Variants in MARCHF1 observed in about 807,000 individuals in gnomAD.
MARCHF1 encodes E3 ubiquitin-protein ligase MARCHF1.
MARCHF1 carries 40 observed loss-of-function variants against 54.2 expected under a neutral mutation model. The ratio of observed to expected loss-of-function variants is 0.74; its 90% CI spans 0.57 to 0.96. The LOEUF (loss-of-function observed/expected upper bound fraction) is 0.96, where lower values mean the gene tolerates loss of function less well. Among genes scored for constraint, MARCHF1 ranks in the 40% least tolerant of loss-of-function variants. The probability of loss-of-function intolerance (pLI) is 0.00; values close to 1 mark genes in which losing one functional copy is unlikely to be tolerated. For synonymous variants in MARCHF1, 236 were observed against 236.3 expected (o/e 1.00, Z 0.01); for missense variants, 586 against 656.5 (o/e 0.89, Z 1.17).
intron 1 of MARCHF1, chr4:164,197,359 T>C (rs756128994): frequency 3.1e-5 from 50 of 1,612,804 alleles, no homozygotes; most frequent in Admixed American, 2.0e-4. Flanking sequence ...TACCTCGCAA[T>C]TGAAAAGGTC....
intron 3 of MARCHF1, chr4:163,932,460 T>A (rs556187903): frequency 5.2e-6 from 2 of 384,418 alleles, no homozygotes; most frequent in Admixed American, 5.6e-5. Context: ...ATTTCAACAA[T>A]GCTCACAGCA....
At chr4:163,594,091 G>C (rs893740292) in intron 7 of MARCHF1, among the ~76,000 whole-genome samples, 4 of 152,130 alleles carry the variant, frequency 2.6e-5, no homozygotes, top group African/African-American at 7.2e-5. Flanking sequence ...GTATGCAAAG[G>C]AGTGAAAGAT....
chr4:163,650,808 T>C (rs1347970571), intron 5 of MARCHF1, among the ~76,000 whole-genome samples: 1 of 152,012 alleles, frequency 6.6e-6, no homozygotes, highest in African/African-American at 2.4e-5. Flanking sequence ...AGAATGTCCA[T>C]GAAACTGCCT....
intron 2 of MARCHF1, among the ~76,000 whole-genome samples, chr4:163,995,890 A>T (rs947320877): frequency 6.6e-6 from 1 of 152,090 alleles, no homozygotes; most frequent in African/African-American, 2.4e-5. Context: ...AGTATAAAGC[A>T]TAGGTATGTT....
At chr4:163,852,024 A>ATACAT (rs1579340048) in intron 4 of MARCHF1, among the ~76,000 whole-genome samples, 1 of 152,332 alleles carries the variant, frequency 6.6e-6, no homozygotes, top group East Asian at 1.9e-4. Flanking sequence ...TATCCCTGTA[A>ATACAT]TACAGCATTA....
intron 4 of MARCHF1, among the ~76,000 whole-genome samples, chr4:163,798,693 G>A (rs1353135608): frequency 1.3e-5 from 2 of 151,878 alleles, no homozygotes; most frequent in Admixed American, 1.3e-4. Context: ...AGAAGTAAAA[G>A]TAAGAAAATA....
chr4:163,595,005 T>C (rs1740716157), intron 7 of MARCHF1, among the ~76,000 whole-genome samples: 1 of 152,168 alleles, frequency 6.6e-6, no homozygotes, highest in Non-Finnish European at 1.5e-5. Context: ...CCCATGTTCA[T>C]TGCAGCATTA....
At chr4:164,229,845 G>A (rs1448776606) in intron 1 of MARCHF1, among the ~76,000 whole-genome samples, 1 of 152,052 alleles carries the variant, frequency 6.6e-6, no homozygotes, top group Non-Finnish European at 1.5e-5. Context: ...CTCACTCTTG[G>A]GAGAACAGCA....
chr4:164,053,382 A>G (rs1036386289), intron 2 of MARCHF1, among the ~76,000 whole-genome samples: 1 of 116,070 alleles, frequency 8.6e-6, no homozygotes, highest in Non-Finnish European at 2.0e-5. Flanking sequence ...TAGGAGTCTA[A>G]TATTTCTCAT....
chr4:164,067,164 C>T (rs1431173211), intron 2 of MARCHF1, among the ~76,000 whole-genome samples: 7 of 152,030 alleles, frequency 4.6e-5, no homozygotes, highest in Admixed American at 4.6e-4. Context: ...GTCCATATGG[C>T]CCAAAGAAAT....
chr4:163,595,324 C>A (rs1348185568), intron 7 of MARCHF1, among the ~76,000 whole-genome samples: 3 of 150,838 alleles, frequency 2.0e-5, no homozygotes, highest in Non-Finnish European at 2.9e-5. Context: ...GCCTGGGTAA[C>A]ACAGTGAGAC....
intron 4 of MARCHF1, among the ~76,000 whole-genome samples, chr4:163,816,626 T>C (rs1308096503): frequency 3.9e-5 from 6 of 152,162 alleles, no homozygotes; most frequent in African/African-American, 1.4e-4. Flanking sequence ...GAGGCATATA[T>C]TTATTTGATT....
chr4:164,279,921 A>T (rs1733984447), intron 1 of MARCHF1, among the ~76,000 whole-genome samples: 1 of 151,808 alleles, frequency 6.6e-6, no homozygotes, highest in Non-Finnish European at 1.5e-5. Context: ...TTTACATAAC[A>T]TGAATGAAAT....
chr4:163,715,089 C>T (rs1474664244), intron 4 of MARCHF1, among the ~76,000 whole-genome samples: 6 of 152,060 alleles, frequency 3.9e-5, no homozygotes, highest in Non-Finnish European at 7.4e-5. Context: ...GATAAAACGC[C>T]ATTAAATGGA....
intron 2 of MARCHF1, among the ~76,000 whole-genome samples, chr4:164,015,334 T>C (rs1330420460): frequency 4.6e-5 from 7 of 152,030 alleles, no homozygotes; most frequent in Admixed American, 4.6e-4. Flanking sequence ...CAACTAAAAA[T>C]TGTAACTATA....
chr4:163,992,476 A>G (rs1371993704), intron 2 of MARCHF1, among the ~76,000 whole-genome samples: 3 of 152,082 alleles, frequency 2.0e-5, no homozygotes, highest in African/African-American at 7.2e-5. Flanking sequence ...AAATACATAA[A>G]GAAAGTCTTA....
intron 1 of MARCHF1, among the ~76,000 whole-genome samples, chr4:164,337,822 C>G (rs982158689): frequency 6.6e-6 from 1 of 152,010 alleles, no homozygotes; most frequent in South Asian, 2.1e-4. Flanking sequence ...CAATGCATCA[C>G]CCTGGGGGAA....
intron 3 of MARCHF1, among the ~76,000 whole-genome samples, chr4:163,896,803 T>G (rs1292687147): frequency 1.3e-5 from 2 of 152,192 alleles, no homozygotes; most frequent in Non-Finnish European, 2.9e-5. Context: ...AAAGCTCTTG[T>G]ACCACAGGAT....
At chr4:163,634,010 A>C (rs1742211355) in intron 5 of MARCHF1, among the ~76,000 whole-genome samples, 1 of 152,152 alleles carries the variant, frequency 6.6e-6, no homozygotes, top group Non-Finnish European at 1.5e-5. Flanking sequence ...TTCATAAGTG[A>C]AGGAGTAATA....
Sources: gnomAD v4.1 joint callset for allele counts (sites outside exome capture counted in the v4.1 genomes callset) on GRCh38, gnomAD v4.1.1 for gene constraint, MANE v1.5 for transcripts, NCBI Gene and HGNC (gene_info 2026-07-23, HGNC 2026-07-21) for gene names.